Variants in PAM observed in about 807,000 individuals in gnomAD.
The protein encoded by PAM is peptidyl-glycine alpha-amidating monooxygenase.
Under a neutral mutation model 122.1 loss-of-function variants are expected in PAM, and 72 were observed. That is an observed-to-expected ratio of 0.59 (90% CI 0.49 to 0.72). The LOEUF (loss-of-function observed/expected upper bound fraction) is 0.72, where lower values mean the gene tolerates loss of function less well. PAM is among the 30% of genes least tolerant of loss of function. PAM has a pLI of 0.00. For synonymous variants in PAM, 389 were observed against 404.4 expected (o/e 0.96, Z 0.46); for missense variants, 1,106 against 1,183.7 (o/e 0.93, Z 0.96).
chr5:103,002,386 G>T (rs1468995202), intron 16 of PAM, among the ~76,000 whole-genome samples: 1 of 151,976 alleles, frequency 6.6e-6, no homozygotes, highest in African/African-American at 2.4e-5. Flanking sequence ...ATTAATTATT[G>T]CATAGTTGTT....
At chr5:102,990,212 A>G (rs1773611952) in intron 15 of PAM, 60 bp from the exon 16 acceptor site, 3 of 1,314,800 alleles carry the variant, frequency 2.3e-6, no homozygotes, top group African/African-American at 1.5e-5. Flanking sequence ...ACTATTATGA[A>G]TCCTCATGAG....
chr5:102,921,007 G>A (rs1016521118), intron 5 of PAM, among the ~76,000 whole-genome samples: 1 of 152,058 alleles, frequency 6.6e-6, no homozygotes, highest in African/African-American at 2.4e-5. Context: ...TGGTTTCCCC[G>A]TGGATTAGAC....
At chr5:102,991,745 T>A (rs1774151533) in intron 16 of PAM, among the ~76,000 whole-genome samples, 1 of 152,184 alleles carries the variant, frequency 6.6e-6, no homozygotes. Flanking sequence ...AAACTCAACA[T>A]TCTCATTCAT....
intron 15 of PAM, among the ~76,000 whole-genome samples, chr5:102,984,221 CA>C (rs977354697): frequency 1.3e-5 from 2 of 151,936 alleles, no homozygotes; most frequent in African/African-American, 4.8e-5. Context: ...AACAAAATGA[CA>C]AAAATAAATC....
intron 1 of PAM, among the ~76,000 whole-genome samples, chr5:102,795,580 C>A (rs1763198840): frequency 6.6e-6 from 1 of 152,112 alleles, no homozygotes. Context: ...AATGGCTACC[C>A]TTTTGACAAA....
chr5:102,892,797 T>C (rs1461468336), intron 3 of PAM, among the ~76,000 whole-genome samples: 11 of 151,822 alleles, frequency 7.2e-5, no homozygotes, highest in Admixed American at 1.3e-4. Context: ...ACAGGAACCA[T>C]TTCAGGCAAT....
At chr5:103,018,453 C>T (rs1481706312) in intron 22 of PAM, among the ~76,000 whole-genome samples, 5 of 152,126 alleles carry the variant, frequency 3.3e-5, no homozygotes, top group South Asian at 2.1e-4. Flanking sequence ...CTTTGGATAA[C>T]GTTTGCAGTT....
intron 4 of PAM, among the ~76,000 whole-genome samples, chr5:102,902,712 T>C (rs569288473): frequency 1.7e-4 from 26 of 151,630 alleles, no homozygotes; most frequent in Non-Finnish European, 2.7e-4. Flanking sequence ...AAAAGGAATT[T>C]CCCATGAATT....
intron 16 of PAM, among the ~76,000 whole-genome samples, chr5:103,001,750 G>C (rs60580020): frequency 0.034 from 5,215 of 151,998 alleles, 133 homozygotes; most frequent in Admixed American, 0.079. Context: ...AGAGTACTGA[G>C]ACTCTACATA....
At chr5:102,852,161 T>A (rs1781496295) in intron 1 of PAM, among the ~76,000 whole-genome samples, 1 of 152,234 alleles carries the variant, frequency 6.6e-6, no homozygotes, top group South Asian at 2.1e-4. Flanking sequence ...GCATTGGCCA[T>A]TAATTTTGAA....
chr5:103,016,554 A>T (rs1470124227), intron 21 of PAM, among the ~76,000 whole-genome samples: 5 of 152,222 alleles, frequency 3.3e-5, no homozygotes, highest in African/African-American at 1.2e-4. Context: ...TCCAAGAACT[A>T]GTTTGGTGAT....
chr5:102,890,506 T>C (rs1437391097), intron 3 of PAM, among the ~76,000 whole-genome samples: 2 of 151,924 alleles, frequency 1.3e-5, no homozygotes, highest in African/African-American at 2.4e-5. Flanking sequence ...CACCTTTAAA[T>C]ACACTTTATG....
intron 13 of PAM, among the ~76,000 whole-genome samples, chr5:102,960,507 C>G (rs2150228774): frequency 6.6e-6 from 1 of 152,086 alleles, no homozygotes; most frequent in Non-Finnish European, 1.5e-5. Flanking sequence ...AGGCAAAGAA[C>G]AATTATTGAT....
chr5:102,904,364 C>T (rs1041610315), intron 4 of PAM, among the ~76,000 whole-genome samples: 1 of 151,480 alleles, frequency 6.6e-6, no homozygotes, highest in African/African-American at 2.4e-5. Flanking sequence ...ATCTGTGCCT[C>T]TTTAAATTTT....
At chr5:102,835,613 T>C (rs1281325302) in intron 1 of PAM, among the ~76,000 whole-genome samples, 1 of 152,074 alleles carries the variant, frequency 6.6e-6, no homozygotes, top group Non-Finnish European at 1.5e-5. Flanking sequence ...TAATTTTTGC[T>C]GAGCAGTAAT....
chr5:102,957,718 C>T (rs1390407812), intron 12 of PAM, among the ~76,000 whole-genome samples: 3 of 151,880 alleles, frequency 2.0e-5, no homozygotes, highest in Admixed American at 6.6e-5. Flanking sequence ...TTAGTAGAGA[C>T]GAGGTTTCAC....
chr5:102,940,115 TACACACACACACAC>T (rs66466018), intron 7 of PAM, among the ~76,000 whole-genome samples: 240 of 134,456 alleles, frequency 1.8e-3, no homozygotes, highest in Middle Eastern at 7.6e-3. Flanking sequence ...TATGTATACA[TACACACACACACAC>T]ACACACACAC....
Position 102,974,398 on chromosome 5 carries a change from C to G in PAM, c.1445C>G (p.Pro482Arg), listed in dbSNP as rs761985864. The change falls in exon 15 of 26, where the codon CCA becomes CGA. Residue 482 changes from proline (P) to arginine (R), a missense_variant. Pro to Arg is a moderately radical substitution (Grantham distance 103, BLOSUM62 -2). Around this residue, in one of 3 missense-constraint regions of PAM, gnomAD observed 670 missense variants for 690.3 expected, o/e 0.97. Transcript: ENST00000438793. The part of the protein sequence containing the change: ...ESRVFSLQQP[P>R]PGEGTWEPEH... Reference sequence around the variant, plus strand: ...AGAGTTTTCTCATTACAGCAGCCCCCACCTGGTGAAGGCACCTGGGAACCA... The same window carrying G: ...AGAGTTTTCTCATTACAGCAGCCCCGACCTGGTGAAGGCACCTGGGAACCA... 6.2e-7 allele frequency: 1 copy of G among 1,613,768 alleles called. No individual in the cohort carries two copies. The highest frequency in any genetic ancestry group is 2.2e-5 in the East Asian group (1 of 44,874).
intron 12 of PAM, 91 bp downstream of exon 12, chr5:102,950,911 A>G: frequency 1.3e-6 from 1 of 786,282 alleles, no homozygotes; most frequent in Middle Eastern, 2.4e-4. Flanking sequence ...TAAATTGTAC[A>G]TTTTTTGTCC....
Sources: allele counts gnomAD v4.1 joint callset (sites outside exome capture counted in the v4.1 genomes callset), GRCh38; gene constraint gnomAD v4.1.1; regional missense constraint gnomAD v4.1.1; transcripts MANE v1.5; gene names NCBI Gene and HGNC (gene_info 2026-07-23, HGNC 2026-07-21).